The following MAP2 variants were observed in gnomAD, a reference collection of about 807,000 sequenced individuals.
The protein encoded by MAP2 is microtubule associated protein 2.
Under a neutral mutation model 137.6 loss-of-function variants are expected in MAP2, and 14 were observed. The ratio of observed to expected loss-of-function variants is 0.10; its 90% confidence interval spans 0.07 to 0.16. MAP2 has a LOEUF of 0.16. Among genes scored for constraint, MAP2 ranks in the 10% least tolerant of loss-of-function variants. The pLI, the probability that MAP2 is intolerant of heterozygous loss-of-function variation, is 1.00. For synonymous variants in MAP2, 786 were observed against 782.3 expected, an observed-to-expected ratio of 1.00 and a Z score of -0.08; for missense variants, 2,088 against 2,191.5, an observed-to-expected ratio of 0.95 and a Z score of 0.94.
chr2:209,444,627 A>T (rs574647257), intron 1 of MAP2, among the ~76,000 whole-genome samples: 1 of 151,666 alleles, frequency 6.6e-6, no homozygotes, highest in African/African-American at 2.4e-5. Flanking sequence ...TGAAAATTAA[A>T]GTAAAATTCA....
chr2:209,544,047 A>G (rs905936966), intron 2 of MAP2, among the ~76,000 whole-genome samples: 2 of 151,986 alleles, frequency 1.3e-5, no homozygotes, highest in Non-Finnish European at 1.5e-5. Flanking sequence ...GGCTAACATG[A>G]TGAAACCCTG....
chr2:209,578,019 A>C (rs1190296728), intron 2 of MAP2, among the ~76,000 whole-genome samples: 3 of 152,228 alleles, frequency 2.0e-5, no homozygotes, highest in Non-Finnish European at 4.4e-5. Context: ...AAAAAATCAA[A>C]GACAAAGGAT....
At chr2:209,424,447 G>C (rs1691953133) in intron 1 of MAP2, among the ~76,000 whole-genome samples, 171 bp downstream of exon 1, 2 of 152,168 alleles carry the variant, frequency 1.3e-5, no homozygotes, top group African/African-American at 2.4e-5. Flanking sequence ...CGGAAGATTC[G>C]GGCCTGTCCT....
chr2:209,530,539 G>A (rs2064957117), intron 2 of MAP2, among the ~76,000 whole-genome samples: 1 of 152,116 alleles, frequency 6.6e-6, no homozygotes, highest in South Asian at 2.1e-4. Flanking sequence ...ATATAGACAG[G>A]AAATTAAAAT....
intron 13 of MAP2, among the ~76,000 whole-genome samples, chr2:209,712,595 C>A (rs2065872520): frequency 6.6e-6 from 1 of 152,164 alleles, no homozygotes; most frequent in Non-Finnish European, 1.5e-5. Context: ...GGTATAAATT[C>A]ACTTAAAGGG....
At chr2:209,484,614 C>T (rs1437618525) in intron 1 of MAP2, among the ~76,000 whole-genome samples, 3 of 152,074 alleles carry the variant, frequency 2.0e-5, no homozygotes, top group Admixed American at 6.5e-5. Flanking sequence ...CGCTTGAACC[C>T]GGGAGGTGGA....
At chr2:209,443,482 T>G (rs1208966548) in intron 1 of MAP2, among the ~76,000 whole-genome samples, 1 of 151,672 alleles carries the variant, frequency 6.6e-6, no homozygotes, top group Non-Finnish European at 1.5e-5. Flanking sequence ...CTGCACTGTT[T>G]CCCTCTACAG....
At position 209,574,837 on chromosome 2, in the gene MAP2, T is replaced by TA. The variant is rs546411327; in HGVS notation, c.-171-5195dup. Among the ~76,000 whole-genome samples the TA allele has an allele frequency of 1.1e-4, 16 of 152,330 alleles. No homozygotes were observed. In the East Asian group the frequency reaches 2.9e-3, roughly 28 times the overall value. Reference sequence around the variant, plus strand: ...TGATTTTGGATATCATGATAATTTGTAAAATACTTACACATCTGCCTATTT... The same window carrying TA: ...TGATTTTGGATATCATGATAATTTGTAAAAATACTTACACATCTGCCTATTT... On this transcript the variant is annotated intron_variant, in intron 2 of 15. Transcript: ENST00000682079.
intron 2 of MAP2, among the ~76,000 whole-genome samples, chr2:209,546,184 G>T (rs1032542516): frequency 1.3e-5 from 2 of 151,972 alleles, no homozygotes; most frequent in East Asian, 1.9e-4. Context: ...AGAAATGCAC[G>T]CAACTTTTTG....
rs1045851834 is a variant in MAP2, at chr2:209,704,736, A to G, written c.4585-844A>G. 12 of 910,726 alleles carry G rather than the reference A, an allele frequency of 1.3e-5. No homozygotes were observed. The Admixed American group carries it at 3.5e-4, about 27-fold the overall frequency. 56.4% of individuals were successfully genotyped at this position (910,726 alleles called of 1,614,324 possible). ...CAAATACTTTACTCTGAAGTGTTTGACACATAAACAGTAGGCCCTTTTAAA... is the reference window on the plus strand; with the variant it reads ...CAAATACTTTACTCTGAAGTGTTTGGCACATAAACAGTAGGCCCTTTTAAA... On this transcript the variant is annotated intron_variant, in intron 11 of 15. Transcript: ENST00000682079.
intron 1 of MAP2, among the ~76,000 whole-genome samples, chr2:209,502,269 C>T (rs1184296335): frequency 6.6e-6 from 1 of 152,170 alleles, no homozygotes; most frequent in Non-Finnish European, 1.5e-5. Flanking sequence ...TCCCCACCTC[C>T]AGATAACCAC....
intron 2 of MAP2, among the ~76,000 whole-genome samples, chr2:209,530,598 G>C (rs2064967838): frequency 6.6e-6 from 1 of 152,168 alleles, no homozygotes; most frequent in Admixed American, 6.6e-5. Flanking sequence ...TGCTATTCAT[G>C]AGGATGTGTA....
chr2:209,541,818 A>G (rs941746424), intron 2 of MAP2, among the ~76,000 whole-genome samples: 1 of 152,208 alleles, frequency 6.6e-6, no homozygotes, highest in African/African-American at 2.4e-5. Flanking sequence ...TTTCCACCAC[A>G]TGTACAGAAT....
chr2:209,669,234 G>T (rs1559519405), intron 5 of MAP2, among the ~76,000 whole-genome samples: 1 of 152,056 alleles, frequency 6.6e-6, no homozygotes, highest in South Asian at 2.1e-4. Flanking sequence ...CGGGAAGGAG[G>T]TTTAAGTGAA....
At position 209,477,812 on chromosome 2, in the gene MAP2, C is replaced by T. The variant is rs537381242; in HGVS notation, c.-221-29780C>T. 2.0e-5 allele frequency among the ~76,000 whole-genome samples: 3 copies of T among 149,838 alleles called. No homozygotes were observed. The South Asian group carries it at 6.4e-4, about 32-fold the overall frequency. Reference sequence around the variant, plus strand: ...AGAAGTTCAAGACCAGCCTGGGCAACACAAGTGAGGCCTCCTCTATACAAA... The same window carrying T: ...AGAAGTTCAAGACCAGCCTGGGCAATACAAGTGAGGCCTCCTCTATACAAA... On this transcript the variant is annotated intron_variant, in intron 1 of 15. Coordinates refer to ENST00000682079, the MANE Select transcript of MAP2 (RefSeq NM_001375505.1).
At chr2:209,519,515 A>G (rs777065317) in intron 2 of MAP2, among the ~76,000 whole-genome samples, 3 of 152,212 alleles carry the variant, frequency 2.0e-5, no homozygotes, top group Non-Finnish European at 4.4e-5. Context: ...TTGCATTTCA[A>G]AAAGATAGCC....
chr2:209,520,108 C>A (rs1233367080), intron 2 of MAP2, among the ~76,000 whole-genome samples: 1 of 152,032 alleles, frequency 6.6e-6, no homozygotes, highest in Non-Finnish European at 1.5e-5. Context: ...CTCCCCATCC[C>A]CATCCTTTTT....
At chr2:209,572,473 T>A (rs78232696) in intron 2 of MAP2, among the ~76,000 whole-genome samples, 6 of 152,258 alleles carry the variant, frequency 3.9e-5, no homozygotes, top group Admixed American at 1.3e-4. Flanking sequence ...GTAAGGCAGA[T>A]AGTTATAGGA....
chr2:209,504,552 C>T (rs1191482830), intron 1 of MAP2, among the ~76,000 whole-genome samples: 2 of 152,132 alleles, frequency 1.3e-5, no homozygotes, highest in Non-Finnish European at 2.9e-5. Context: ...CAATATCATC[C>T]TGGTATTCAT....
Sources: gnomAD v4.1 joint callset for allele counts (sites outside exome capture counted in the v4.1 genomes callset) on GRCh38, gnomAD v4.1.1 for gene constraint, MANE v1.5 for transcripts, NCBI Gene and HGNC (gene_info 2026-07-23, HGNC 2026-07-21) for gene names.